Variants in RAPGEF4 observed in about 807,000 individuals in gnomAD.
The protein encoded by RAPGEF4 is Rap guanine nucleotide exchange factor 4.
A neutral mutation model predicts 147.9 loss-of-function variants in RAPGEF4; 66 were observed. The observed-to-expected ratio is 0.45, with a 90% CI of 0.37 to 0.55. RAPGEF4 has a LOEUF of 0.55. RAPGEF4 is among the 20% of genes least tolerant of loss of function. RAPGEF4 has a pLI of 0.00. For missense variants in RAPGEF4, 1,071 were observed against 1,257.3 expected, an observed-to-expected ratio of 0.85 and a Z score of 2.24; for synonymous variants, 419 against 442.7, an observed-to-expected ratio of 0.95 and a Z score of 0.67.
intron 6 of RAPGEF4, among the ~76,000 whole-genome samples, chr2:172,948,744 C>T (rs1026826433): frequency 2.6e-5 from 4 of 151,982 alleles, no homozygotes; most frequent in African/African-American, 9.7e-5. Context: ...TAAGTGGAAG[C>T]TAAATGATGA....
chr2:172,778,642 G>T (rs918495113), intron 1 of RAPGEF4, among the ~76,000 whole-genome samples: 2 of 152,088 alleles, frequency 1.3e-5, no homozygotes, highest in African/African-American at 4.8e-5. Context: ...AAGGAATGGT[G>T]CCTGTCCTCC....
chr2:172,825,064 A>C (rs1247691687), intron 4 of RAPGEF4, among the ~76,000 whole-genome samples: 1 of 152,226 alleles, frequency 6.6e-6, no homozygotes, highest in East Asian at 1.9e-4. Flanking sequence ...CATCGTGACC[A>C]TTATATATAC....
At chr2:172,885,105 G>T (rs146730110) in intron 4 of RAPGEF4, among the ~76,000 whole-genome samples, 1 of 152,212 alleles carries the variant, frequency 6.6e-6, no homozygotes, top group Non-Finnish European at 1.5e-5. Flanking sequence ...CAACAAGCCA[G>T]CACAGACACT....
At chr2:172,842,371 A>C (rs569018835) in intron 4 of RAPGEF4, among the ~76,000 whole-genome samples, 26 of 152,354 alleles carry the variant, frequency 1.7e-4, no homozygotes, top group African/African-American at 5.5e-4. Context: ...ATTTTAGTCT[A>C]TTCTAGTTAT....
chr2:173,024,911 T>C (rs537386829), intron 23 of RAPGEF4, among the ~76,000 whole-genome samples: 2 of 152,358 alleles, frequency 1.3e-5, no homozygotes, highest in South Asian at 2.1e-4. Context: ...CCCATCTTCA[T>C]GCTCTTGTTG....
At chr2:172,915,025 T>G (rs943403556) in intron 4 of RAPGEF4, among the ~76,000 whole-genome samples, 2 of 152,240 alleles carry the variant, frequency 1.3e-5, no homozygotes, top group Non-Finnish European at 2.9e-5. Context: ...GTTAGCTGTT[T>G]TTATCCTAAT....
At position 172,917,816 on chromosome 2, in the gene RAPGEF4, T is replaced by A; in HGVS notation, c.459T>A (p.Tyr153Ter). 1 of 1,613,460 alleles carries A rather than the reference T, an allele frequency of 6.2e-7. No individual in the cohort carries two copies. Among genetic ancestry groups the A allele is most frequent in the Non-Finnish European group, 8.5e-7 (1 of 1,179,424 alleles). The change falls in exon 5 of 31, where the codon TAT becomes TAA. Residue 153 changes from tyrosine (Y) to a stop codon, truncating the protein, a stop_gained. Transcript: ENST00000397081. LOFTEE classifies it high-confidence loss of function. ...TTGTCTTTCAGAAATATCGACAGTA[T>A]ATGGCAGGACTTCTGGCTCCTCCTT... ...FKALWEKYRQYMAGLLAPPYG... is the reference protein window; with the variant it reads ...FKALWEKYRQ
At chr2:172,918,247 CTTTTTTTTTTTT>C (rs11332643) in intron 5 of RAPGEF4, among the ~76,000 whole-genome samples, 1 of 87,618 alleles carries the variant, frequency 1.1e-5, no homozygotes, top group Admixed American at 1.3e-4. Context: ...CCACCTCTTG[CTTTTTTTTTTTT>C]TTTTTTTTTT....
In RAPGEF4 at chr2:172,967,312, A is replaced by G. The variant is rs778835490; in HGVS notation, c.872A>G (p.Asp291Gly). The G allele has an allele frequency of 6.2e-7, 1 of 1,612,362 alleles. No individual in the cohort carries two copies. Among genetic ancestry groups the G allele is most frequent in the Non-Finnish European group, 8.5e-7 (1 of 1,179,740 alleles). The change falls in exon 10 of 31, where the codon GAT (aspartate) becomes GGT (glycine). Residue 291 changes from aspartate (D) to glycine (G), a missense_variant. Physicochemically the swap from Asp to Gly is moderately conservative, Grantham distance 94. Coordinates refer to ENST00000397081, the MANE Select transcript of RAPGEF4 (RefSeq NM_007023.4). ...AAATATTTATTCTATCGATTTCTGG[A>G]TGATGAGCACGAGGATGCCCCTTTG... ...QDKYLFYRFL[D>G]DEHEDAPLPT... is the part of the protein sequence containing the mutation.
intron 6 of RAPGEF4, among the ~76,000 whole-genome samples, chr2:172,946,262 C>G (rs1402484249): frequency 5.3e-5 from 8 of 152,072 alleles, no homozygotes; most frequent in Admixed American, 5.2e-4. Flanking sequence ...CACTTAGAAA[C>G]AGGGGCTGAA....
intron 4 of RAPGEF4, among the ~76,000 whole-genome samples, chr2:172,887,248 T>C (rs765803103): frequency 9.9e-5 from 15 of 151,504 alleles, no homozygotes. Context: ...TATAGTGAAG[T>C]AAAGAAAGAT....
intron 1 of RAPGEF4, among the ~76,000 whole-genome samples, chr2:172,787,670 A>T (rs1685353853): frequency 6.6e-6 from 1 of 151,278 alleles, no homozygotes. Flanking sequence ...CCCAGGTTGG[A>T]GTGCAGTGGC....
chr2:172,912,942 A>T (rs144117993), intron 4 of RAPGEF4, among the ~76,000 whole-genome samples: 1,374 of 132,426 alleles, frequency 0.01, 17 homozygotes, highest in Admixed American at 0.028. Flanking sequence ...GTCGCCCAGG[A>T]TGGAGTGCAG....
At chr2:172,887,090 G>T (rs965832247) in intron 4 of RAPGEF4, among the ~76,000 whole-genome samples, 1 of 151,996 alleles carries the variant, frequency 6.6e-6, no homozygotes, top group Non-Finnish European at 1.5e-5. Context: ...GGGATGGTGA[G>T]GCAGGAGAAT....
At chr2:172,796,651 C>T (rs116196595) in intron 2 of RAPGEF4, among the ~76,000 whole-genome samples, 1,900 of 152,176 alleles carry the variant, frequency 0.012, 14 homozygotes, top group Middle Eastern at 0.041. Context: ...CCTCCTGAGT[C>T]GCTAGGACTA....
intron 4 of RAPGEF4, among the ~76,000 whole-genome samples, chr2:172,833,832 T>G (rs1356426012): frequency 6.6e-6 from 1 of 152,222 alleles, no homozygotes; most frequent in East Asian, 1.9e-4. Context: ...TTTCTTCCTG[T>G]GAACTATGCC....
intron 4 of RAPGEF4, among the ~76,000 whole-genome samples, chr2:172,865,584 C>A (rs1227435211): frequency 6.6e-6 from 1 of 152,156 alleles, no homozygotes; most frequent in Non-Finnish European, 1.5e-5. Flanking sequence ...CAGTTCGTTT[C>A]TTCTTGCCCT....
intron 17 of RAPGEF4, 106 bp from the exon 18 acceptor site, chr2:173,014,358 C>A: frequency 6.9e-7 from 1 of 1,446,422 alleles, no homozygotes; most frequent in Non-Finnish European, 9.6e-7. Context: ...TTCTATCCAT[C>A]TAAAAGCCTG....
At chr2:172,897,640 G>A (rs1698624871) in intron 4 of RAPGEF4, among the ~76,000 whole-genome samples, 1 of 151,936 alleles carries the variant, frequency 6.6e-6, no homozygotes, top group Non-Finnish European at 1.5e-5. Flanking sequence ...GGCCTCAAAG[G>A]ATCCTCTCAC....
Sources: allele counts gnomAD v4.1 joint callset (sites outside exome capture counted in the v4.1 genomes callset), GRCh38; gene constraint gnomAD v4.1.1; transcripts MANE v1.5; gene names NCBI Gene and HGNC (gene_info 2026-07-23, HGNC 2026-07-21).